Variants in ADAMTS3 observed in about 807,000 individuals in gnomAD.
The protein encoded by ADAMTS3 is A disintegrin and metalloproteinase with thrombospondin motifs 3.
ADAMTS3 carries 73 observed loss-of-function variants against 129.0 expected under a neutral mutation model. The observed-to-expected ratio is 0.57, with a 90% CI of 0.47 to 0.69. ADAMTS3 has a LOEUF of 0.69. Ranked by LOEUF, ADAMTS3 falls within the 30% of genes least tolerant of loss-of-function variation. The pLI is 0.00. For missense variants in ADAMTS3, 1,457 were observed against 1,514.5 expected, an observed-to-expected ratio of 0.96 and a Z score of 0.63; for synonymous variants, 477 against 510.8, an observed-to-expected ratio of 0.93 and a Z score of 0.89.
chr4:72,531,664 C>G (rs771234975), intron 3 of ADAMTS3, among the ~76,000 whole-genome samples: 28 of 152,180 alleles, frequency 1.8e-4, no homozygotes, highest in Admixed American at 4.6e-4. Flanking sequence ...CCTTGTGGCA[C>G]AGTTCTACCC....
intron 3 of ADAMTS3, among the ~76,000 whole-genome samples, chr4:72,495,932 TC>T (rs899457591): frequency 5.9e-5 from 9 of 152,204 alleles, no homozygotes; most frequent in Non-Finnish European, 8.8e-5. Context: ...TCTACATCTT[TC>T]CATGTAAGCA....
intron 4 of ADAMTS3, among the ~76,000 whole-genome samples, chr4:72,385,309 A>C (rs1486346473): frequency 6.6e-6 from 1 of 152,094 alleles, no homozygotes; most frequent in Non-Finnish European, 1.5e-5. Context: ...TTATTATAGT[A>C]CCTCAGTGGC....
intron 4 of ADAMTS3, among the ~76,000 whole-genome samples, chr4:72,343,422 T>C (rs1280981244): frequency 7.2e-5 from 11 of 152,116 alleles, no homozygotes; most frequent in Admixed American, 6.6e-4. Flanking sequence ...CTGCTTTTCA[T>C]GAAAAGAAAC....
chr4:72,564,449 A>G (rs1433250705), intron 2 of ADAMTS3, among the ~76,000 whole-genome samples: 3 of 152,168 alleles, frequency 2.0e-5, no homozygotes, highest in Non-Finnish European at 4.4e-5. Context: ...GATACGCCCT[A>G]GAAGTATGTC....
intron 3 of ADAMTS3, among the ~76,000 whole-genome samples, chr4:72,452,029 C>T (rs549912408): frequency 2.6e-5 from 4 of 151,834 alleles, no homozygotes; most frequent in African/African-American, 7.2e-5. Context: ...GTCAAGGCTA[C>T]AATGAGCTGT....
chr4:72,380,781 TA>T (rs557342950), intron 4 of ADAMTS3, among the ~76,000 whole-genome samples: 1 of 152,180 alleles, frequency 6.6e-6, no homozygotes, highest in African/African-American at 2.4e-5. Flanking sequence ...GAGATTTATA[TA>T]AAAAAATGTG....
At chr4:72,455,844 T>C (rs1401966893) in intron 3 of ADAMTS3, among the ~76,000 whole-genome samples, 1 of 83,728 alleles carries the variant, frequency 1.2e-5, no homozygotes, top group Non-Finnish European at 2.3e-5. Context: ...GTGTATATAC[T>C]ATATATTTTA....
chr4:72,498,394 A>G (rs1480505756), intron 3 of ADAMTS3, among the ~76,000 whole-genome samples: 1 of 152,058 alleles, frequency 6.6e-6, no homozygotes, highest in East Asian at 1.9e-4. Context: ...TTATATTGAG[A>G]GTAATAGAAG....
intron 3 of ADAMTS3, among the ~76,000 whole-genome samples, chr4:72,429,216 A>G (rs1415314035): frequency 3.0e-4 from 45 of 152,124 alleles, no homozygotes; most frequent in Non-Finnish European, 8.8e-5. Context: ...ATGACTATTT[A>G]AAGAAAACAT....
chr4:72,514,782 ATTAC>A (rs970146465), intron 3 of ADAMTS3, among the ~76,000 whole-genome samples: 15 of 152,180 alleles, frequency 9.9e-5, no homozygotes, highest in African/African-American at 3.6e-4. Context: ...CAAATTAATG[ATTAC>A]TTAACAGCAT....
intron 3 of ADAMTS3, among the ~76,000 whole-genome samples, chr4:72,534,885 G>C (rs973304767): frequency 6.6e-6 from 1 of 152,140 alleles, no homozygotes; most frequent in Admixed American, 6.5e-5. Context: ...ATGGCTCAAA[G>C]AGTCTAGAAA....
chr4:72,467,212 C>T (rs964160753), intron 3 of ADAMTS3, among the ~76,000 whole-genome samples: 7 of 151,998 alleles, frequency 4.6e-5, no homozygotes, highest in Non-Finnish European at 1.0e-4. Context: ...ACTGCCAAGT[C>T]TGCAGATTCA....
At chr4:72,303,356 C>A (rs1409251310) in intron 17 of ADAMTS3, among the ~76,000 whole-genome samples, 2 of 151,938 alleles carry the variant, frequency 1.3e-5, no homozygotes, top group African/African-American at 4.8e-5. Context: ...TTGGAACTCG[C>A]TGCAAGATCA....
At chr4:72,363,776 GA>G (rs143108299) in intron 4 of ADAMTS3, among the ~76,000 whole-genome samples, 7,029 of 150,046 alleles carry the variant, frequency 0.047, 548 homozygotes, top group African/African-American at 0.16. Context: ...AATAGGAAAA[GA>G]AAAAAAAATG....
intron 3 of ADAMTS3, among the ~76,000 whole-genome samples, chr4:72,460,424 T>C (rs1350046789): frequency 6.6e-6 from 1 of 151,444 alleles, no homozygotes; most frequent in Non-Finnish European, 1.5e-5. Context: ...GCTTCGGGAA[T>C]GTGAAAGTTG....
chr4:72,534,565 T>C (rs1442165098), intron 3 of ADAMTS3, among the ~76,000 whole-genome samples: 2 of 152,182 alleles, frequency 1.3e-5, no homozygotes, highest in African/African-American at 4.8e-5. Flanking sequence ...TTTGTACTCA[T>C]AGTGAACTTT....
chr4:72,551,051 C>A (rs751715515), intron 2 of ADAMTS3, among the ~76,000 whole-genome samples: 5 of 152,160 alleles, frequency 3.3e-5, no homozygotes, highest in Non-Finnish European at 5.9e-5. Flanking sequence ...CACTGACTTA[C>A]AAGACACATT....
chr4:72,565,956 T>C (rs1456600600), intron 2 of ADAMTS3, among the ~76,000 whole-genome samples: 1 of 152,188 alleles, frequency 6.6e-6, no homozygotes, highest in African/African-American at 2.4e-5. Flanking sequence ...TATTGAAAAG[T>C]TGGGACGTGT....
At chr4:72,322,327 TG>T (rs1719577250) in intron 6 of ADAMTS3, among the ~76,000 whole-genome samples, 1 of 152,188 alleles carries the variant, frequency 6.6e-6, no homozygotes. Flanking sequence ...GGATTAACTA[TG>T]GGAGAGAGAT....
Sources: gnomAD v4.1 joint callset for allele counts (sites outside exome capture counted in the v4.1 genomes callset) on GRCh38, gnomAD v4.1.1 for gene constraint, MANE v1.5 for transcripts, NCBI Gene and HGNC (gene_info 2026-07-23, HGNC 2026-07-21) for gene names.